The following MAP4K3 variants were observed in gnomAD, a reference collection of about 807,000 sequenced individuals.
MAP4K3 encodes the protein mitogen-activated protein kinase kinase kinase kinase 3.
Under a neutral mutation model 143.5 loss-of-function variants are expected in MAP4K3, and 94 were observed. That is an observed-to-expected ratio of 0.65 (90% confidence interval 0.55 to 0.78). The LOEUF is 0.78. Ranked by LOEUF, MAP4K3 falls within the 30% of genes least tolerant of loss-of-function variation. The pLI, the probability that MAP4K3 is intolerant of heterozygous loss-of-function variation, is 0.00. For synonymous variants in MAP4K3, 416 were observed against 347.2 expected, an observed-to-expected ratio of 1.20 and a Z score of -2.20; for missense variants, 1,077 against 1,068.1, an observed-to-expected ratio of 1.01 and a Z score of -0.12.
chr2:39,251,650 C>T (rs1680158640), intron 33 of MAP4K3, among the ~76,000 whole-genome samples, 180 bp downstream of exon 33: 1 of 152,186 alleles, frequency 6.6e-6, no homozygotes, highest in African/African-American at 2.4e-5. Flanking sequence ...ATTCCTGTTA[C>T]TTGGAAGATC....
At chr2:39,393,394 G>T (rs1275222156) in intron 1 of MAP4K3, among the ~76,000 whole-genome samples, 7 of 152,038 alleles carry the variant, frequency 4.6e-5, no homozygotes, top group African/African-American at 1.4e-4. Context: ...TTTTACAAGA[G>T]AATATACTTT....
chr2:39,270,778 G>A (rs1680984248), intron 26 of MAP4K3, among the ~76,000 whole-genome samples: 1 of 152,148 alleles, frequency 6.6e-6, no homozygotes, highest in Non-Finnish European at 1.5e-5. Context: ...ACACTCAGTA[G>A]AGGTTTAAGT....
rs1680270143 is a variant in MAP4K3 at position 39,254,483 on chromosome 2, A to G, written c.2508T>C (p.His836=). The change falls in exon 32 of 34, where the codon CAT becomes CAC. Residue 836 remains histidine, a synonymous_variant. Coordinates refer to ENST00000263881, the MANE Select transcript of MAP4K3 (RefSeq NM_003618.4). The part of the protein sequence containing the change: ...LQDSVLAFWK[H]GMQGRSFRSN... Reference sequence around the variant, plus strand: ...ATCTAAAACTTCTACCTTGCATTCCATGTTTCCAGAAAGCTAGCACACTGT... The same window carrying G: ...ATCTAAAACTTCTACCTTGCATTCCGTGTTTCCAGAAAGCTAGCACACTGT... 1.2e-6 allele frequency: 2 copies of G among 1,613,848 alleles called. No individual in the cohort carries two copies. Among genetic ancestry groups the G allele is most frequent in the African/African-American group, 1.3e-5 (1 of 74,930 alleles).
chr2:39,295,854 G>C (rs1280067481), intron 16 of MAP4K3, among the ~76,000 whole-genome samples: 3 of 151,840 alleles, frequency 2.0e-5, no homozygotes, highest in African/African-American at 7.3e-5. Context: ...GAGTAGCTAG[G>C]ATTACAGGCG....
At chr2:39,353,905 A>T (rs993668451) in intron 3 of MAP4K3, among the ~76,000 whole-genome samples, 5 of 152,174 alleles carry the variant, frequency 3.3e-5, no homozygotes, top group Non-Finnish European at 7.3e-5. Flanking sequence ...TCTGTTTTAT[A>T]GATGAGGAAA....
intron 2 of MAP4K3, among the ~76,000 whole-genome samples, chr2:39,369,711 A>C (rs1666029662): frequency 1.3e-5 from 2 of 152,196 alleles, no homozygotes; most frequent in Non-Finnish European, 2.9e-5. Context: ...TGGAACTCAC[A>C]GCTTCTATGG....
intron 3 of MAP4K3, among the ~76,000 whole-genome samples, chr2:39,354,373 G>A (rs1480444084): frequency 6.6e-6 from 1 of 152,190 alleles, no homozygotes; most frequent in African/African-American, 2.4e-5. Context: ...AACCCGGGAG[G>A]TGGAGCTTGC....
At chr2:39,421,672 G>A (rs1216013430) in intron 1 of MAP4K3, among the ~76,000 whole-genome samples, 1 of 152,080 alleles carries the variant, frequency 6.6e-6, no homozygotes, top group African/African-American at 2.4e-5. Context: ...CTCTATAAAT[G>A]GCATCTGCTA....
chr2:39,429,137 A>C (rs143623923), intron 1 of MAP4K3, among the ~76,000 whole-genome samples: 1 of 151,246 alleles, frequency 6.6e-6, no homozygotes, highest in East Asian at 1.9e-4. Context: ...AAGCCAAAGG[A>C]AGTCAGAAAC....
chr2:39,259,759 T>C (rs908466201), intron 29 of MAP4K3, among the ~76,000 whole-genome samples: 13 of 152,308 alleles, frequency 8.5e-5, no homozygotes, highest in Middle Eastern at 3.4e-3. Context: ...CTATATAAAT[T>C]ATTTCCCTTT....
At chr2:39,331,525 A>G (rs1009064805) in intron 8 of MAP4K3, among the ~76,000 whole-genome samples, 4 of 152,178 alleles carry the variant, frequency 2.6e-5, no homozygotes, top group Admixed American at 1.3e-4. Context: ...AAAAGTTTTT[A>G]GCAAAGAGGT....
At position 39,436,979 on chromosome 2, in the gene MAP4K3, G is replaced by C. The variant is rs13005464; in HGVS notation, c.9C>G (p.Pro3=). 2.5e-6 allele frequency: 4 copies of C among 1,611,568 alleles called. No individual in the cohort carries two copies. Among genetic ancestry groups the C allele is most frequent in the Non-Finnish European group, 3.4e-6 (4 of 1,179,018 alleles). The change falls in exon 1 of 34, where the codon CCC becomes CCG. Residue 3 remains proline, a synonymous_variant. Coordinates refer to ENST00000263881, the MANE Select transcript of MAP4K3 (RefSeq NM_003618.4). MN[P]GFDLSRRNPQ... is the part of the protein sequence containing the mutation. ...GGTTCCGGCGGGACAAATCGAAGCCGGGGTTCATGGCGGGCCCCAGGTGCC... is the reference window on the plus strand; with the variant it reads ...GGTTCCGGCGGGACAAATCGAAGCCCGGGTTCATGGCGGGCCCCAGGTGCC...
chr2:39,332,624 T>C (rs939472248), intron 7 of MAP4K3, among the ~76,000 whole-genome samples: 4 of 152,088 alleles, frequency 2.6e-5, no homozygotes, highest in Admixed American at 6.6e-5. Context: ...ATATTATAAA[T>C]AGTATGTCTT....
At position 39,315,347 on chromosome 2, in the gene MAP4K3, T is replaced by TCTA; in HGVS notation, c.957_959dup (p.Ser319dup). 2 of 1,612,838 alleles carry TCTA rather than the reference T, an allele frequency of 1.2e-6. No homozygotes were observed. Among genetic ancestry groups the TCTA allele is most frequent in the Non-Finnish European group, 1.7e-6 (2 of 1,179,196 alleles). ...AGCGTGTTTTTTCTTCTCTCACGTT[T>TCTA]CTACTTGTTGAGTGAATTCTATGTG... is the stretch of plus-strand genomic sequence containing the variant. On this transcript the variant is annotated inframe_insertion, in exon 13 of 34. Transcript: ENST00000263881.
chr2:39,394,513 T>C (rs560583338), intron 1 of MAP4K3, among the ~76,000 whole-genome samples: 2 of 152,340 alleles, frequency 1.3e-5, no homozygotes, highest in South Asian at 2.1e-4. Context: ...TAAATAGCTA[T>C]GTTTTCTGTT....
chr2:39,399,091 A>T (rs1340182557), intron 1 of MAP4K3, among the ~76,000 whole-genome samples: 1 of 152,102 alleles, frequency 6.6e-6, no homozygotes, highest in African/African-American at 2.4e-5. Flanking sequence ...AAACATCAGA[A>T]ATGCAATCAC....
intron 15 of MAP4K3, among the ~76,000 whole-genome samples, chr2:39,306,576 T>C (rs185590666): frequency 6.6e-6 from 1 of 152,242 alleles, no homozygotes; most frequent in Non-Finnish European, 1.5e-5. Context: ...GGGGAACACA[T>C]GCAATTTCAT....
chr2:39,415,693 T>C (rs532696583), intron 1 of MAP4K3, among the ~76,000 whole-genome samples: 113 of 151,774 alleles, frequency 7.4e-4, no homozygotes, highest in Non-Finnish European at 1.5e-3. Flanking sequence ...GGCTCACGCC[T>C]ATAATCACAG....
At chr2:39,307,637 C>A (rs1682758022) in intron 15 of MAP4K3, among the ~76,000 whole-genome samples, 1 of 151,194 alleles carries the variant, frequency 6.6e-6, no homozygotes, top group Non-Finnish European at 1.5e-5. Flanking sequence ...CATCATTAAA[C>A]TGGACATTTT....
Sources: allele counts gnomAD v4.1 joint callset (sites outside exome capture counted in the v4.1 genomes callset), GRCh38; gene constraint gnomAD v4.1.1; transcripts MANE v1.5; gene names NCBI Gene and HGNC (gene_info 2026-07-23, HGNC 2026-07-21).